GPATCH2: variants seen among roughly 807,000 people sequenced by gnomAD.
The protein encoded by GPATCH2 is G patch domain-containing protein 2.
A neutral mutation model predicts 58.0 loss-of-function variants in GPATCH2; 51 were observed. That is an observed-to-expected ratio of 0.88 (90% CI 0.70 to 1.11). GPATCH2 has a LOEUF of 1.11. Ranked by LOEUF, GPATCH2 falls within the 50% of genes most tolerant of loss-of-function variation. The pLI is 0.00. For synonymous variants in GPATCH2, 222 were observed against 218.5 expected, an observed-to-expected ratio of 1.02 and a Z score of -0.14; for missense variants, 625 against 652.2, an observed-to-expected ratio of 0.96 and a Z score of 0.45.
chr1:217,439,281 G>A (rs796904801), intron 9 of GPATCH2, among the ~76,000 whole-genome samples: 3 of 152,182 alleles, frequency 2.0e-5, no homozygotes, highest in African/African-American at 4.8e-5. Context: ...GGAAAATAAC[G>A]AAATTAAAGC....
At chr1:217,530,320 G>C (rs1354836113) in intron 5 of GPATCH2, among the ~76,000 whole-genome samples, 1 of 152,154 alleles carries the variant, frequency 6.6e-6, no homozygotes, top group Non-Finnish European at 1.5e-5. Flanking sequence ...TGTCTCAATT[G>C]CTTCATCTAC....
intron 8 of GPATCH2, among the ~76,000 whole-genome samples, chr1:217,479,975 T>C (rs996954449): frequency 6.6e-6 from 1 of 152,136 alleles, no homozygotes; most frequent in African/African-American, 2.4e-5. Flanking sequence ...ATTTTAAATA[T>C]ATATGCACCA....
chr1:217,548,674 C>G (rs534966291), intron 5 of GPATCH2, among the ~76,000 whole-genome samples: 7 of 152,170 alleles, frequency 4.6e-5, no homozygotes, highest in African/African-American at 1.7e-4. Flanking sequence ...TGGGAGGAAC[C>G]CAGTGGGAGG....
intron 6 of GPATCH2, among the ~76,000 whole-genome samples, chr1:217,511,346 G>A (rs1662841629): frequency 6.6e-6 from 1 of 152,044 alleles, no homozygotes; most frequent in Non-Finnish European, 1.5e-5. Flanking sequence ...GTAAGAACCA[G>A]CAAAATAACC....
intron 5 of GPATCH2, among the ~76,000 whole-genome samples, chr1:217,585,686 A>G (rs1667305284): frequency 6.6e-6 from 1 of 152,202 alleles, no homozygotes; most frequent in Non-Finnish European, 1.5e-5. Context: ...TTGTAACAAT[A>G]CAGAGACTCA....
chr1:217,570,197 C>A (rs536971218), intron 5 of GPATCH2, among the ~76,000 whole-genome samples: 5 of 152,090 alleles, frequency 3.3e-5, no homozygotes, highest in Non-Finnish European at 7.4e-5. Context: ...ATGCAACCTC[C>A]GCCTCCTGGG....
chr1:217,441,944 A>C (rs1490336934), intron 9 of GPATCH2, among the ~76,000 whole-genome samples: 1 of 152,316 alleles, frequency 6.6e-6, no homozygotes, highest in South Asian at 2.1e-4. Flanking sequence ...CAATTCTTCA[A>C]GGATCTAGAA....
At chr1:217,583,570 C>CA (rs60392448) in intron 5 of GPATCH2, among the ~76,000 whole-genome samples, 8,293 of 64,712 alleles carry the variant, frequency 0.13, 838 homozygotes, top group African/African-American at 0.3. Context: ...GACTCTGTCT[C>CA]AAAAAAAAAA....
intron 1 of GPATCH2, among the ~76,000 whole-genome samples, chr1:217,626,824 G>A (rs1029894981): frequency 5.3e-5 from 8 of 152,070 alleles, no homozygotes; most frequent in South Asian, 2.1e-4. Context: ...GAAAATCCTT[G>A]ACTCACCTAT....
chr1:217,545,190 G>A (rs759767354), intron 5 of GPATCH2, among the ~76,000 whole-genome samples: 23 of 152,316 alleles, frequency 1.5e-4, no homozygotes, highest in African/African-American at 4.1e-4. Context: ...TCTCACAGGC[G>A]GCTACAATAT....
In GPATCH2 at chr1:217,620,376, AG is replaced by A; in HGVS notation, c.179del (p.Pro60LeufsTer2). 3 of 1,613,968 alleles carry A rather than the reference AG, an allele frequency of 1.9e-6. No individual in the cohort carries two copies. Among genetic ancestry groups the A allele is most frequent in the Non-Finnish European group, 2.5e-6 (3 of 1,179,950 alleles). ...TCCTTTTCCTTGCCTGGCGTTTCAG[AG>A]GGCAAGATATACTTCGAGAATGGTC... ...TGDHSRSISC[P>X]LKRQARKRRG... is the part of the protein sequence containing the mutation. On this transcript the variant is annotated frameshift_variant, in exon 2 of 10. Transcript: ENST00000366935. LOFTEE classifies it high-confidence loss of function.
intron 6 of GPATCH2, among the ~76,000 whole-genome samples, chr1:217,503,025 T>C (rs1662380629): frequency 6.6e-6 from 1 of 152,142 alleles, no homozygotes; most frequent in Non-Finnish European, 1.5e-5. Context: ...AAATCTCTAA[T>C]CTGCTGAAGT....
At chr1:217,612,587 G>A (rs1668686268) in intron 3 of GPATCH2, among the ~76,000 whole-genome samples, 1 of 152,086 alleles carries the variant, frequency 6.6e-6, no homozygotes, top group South Asian at 2.1e-4. Context: ...GACTTTTACT[G>A]AGCTTTACAT....
intron 8 of GPATCH2, among the ~76,000 whole-genome samples, chr1:217,452,119 T>C (rs1659694780): frequency 6.6e-6 from 1 of 152,160 alleles, no homozygotes; most frequent in Non-Finnish European, 1.5e-5. Flanking sequence ...GTCATTAAAG[T>C]AGACCAGATG....
chr1:217,589,338 C>CT (rs1174317038), intron 5 of GPATCH2, among the ~76,000 whole-genome samples: 1 of 152,002 alleles, frequency 6.6e-6, no homozygotes, highest in Non-Finnish European at 1.5e-5. Context: ...ACCTAAGTGC[C>CT]TGCTCATGCC....
intron 5 of GPATCH2, among the ~76,000 whole-genome samples, chr1:217,526,605 CTT>C (rs1016681730): frequency 6.6e-6 from 1 of 152,146 alleles, no homozygotes; most frequent in African/African-American, 2.4e-5. Context: ...TAACCTAAAA[CTT>C]TTAACATTTT....
At chr1:217,538,956 C>T (rs971514858) in intron 5 of GPATCH2, among the ~76,000 whole-genome samples, 1 of 152,038 alleles carries the variant, frequency 6.6e-6, no homozygotes, top group Non-Finnish European at 1.5e-5. Flanking sequence ...TTTCTTATAC[C>T]CTCTGCTTAT....
chr1:217,562,694 C>T (rs1029970731), intron 5 of GPATCH2, among the ~76,000 whole-genome samples: 1 of 152,118 alleles, frequency 6.6e-6, no homozygotes, highest in Admixed American at 6.6e-5. Flanking sequence ...ATGTTCAAAC[C>T]ACAGGGTTTG....
chr1:217,497,806 T>A (rs1198605581), intron 7 of GPATCH2, among the ~76,000 whole-genome samples: 1 of 152,126 alleles, frequency 6.6e-6, no homozygotes, highest in Non-Finnish European at 1.5e-5. Context: ...ACTAATATAA[T>A]CAAGGGGTAA....
Sources: gnomAD v4.1 joint callset for allele counts (sites outside exome capture counted in the v4.1 genomes callset) on GRCh38, gnomAD v4.1.1 for gene constraint, MANE v1.5 for transcripts, NCBI Gene and HGNC (gene_info 2026-07-23, HGNC 2026-07-21) for gene names.